Variants in DPP6 observed in about 807,000 individuals in gnomAD.
The protein encoded by DPP6 is dipeptidyl peptidase like 6, also known as A-type potassium channel modulatory protein DPP6.
A neutral mutation model predicts 122.6 loss-of-function variants in DPP6; 69 were observed. The ratio of observed to expected loss-of-function variants is 0.56; its 90% CI spans 0.46 to 0.69. DPP6 has a LOEUF of 0.69. Among genes scored for constraint, DPP6 ranks in the 30% least tolerant of loss-of-function variants. The pLI is 0.00. For missense variants in DPP6, 928 were observed against 1,116.9 expected (o/e 0.83, Z 2.41); for synonymous variants, 418 against 433.1 (o/e 0.97, Z 0.43).
At chr7:153,890,683 CTTTTTTTTTTTT>C (rs34345128) in intron 1 of DPP6, among the ~76,000 whole-genome samples, 3 of 81,992 alleles carry the variant, frequency 3.7e-5, no homozygotes, top group Non-Finnish European at 6.4e-5. Context: ...CAGTTTAGAA[CTTTTTTTTTTTT>C]TTTTTTTTTT....
intron 16 of DPP6, among the ~76,000 whole-genome samples, chr7:154,839,160 G>A (rs1801317605): frequency 1.3e-5 from 2 of 152,314 alleles, no homozygotes; most frequent in Non-Finnish European, 2.9e-5. Flanking sequence ...GGAGGGCATG[G>A]CACATTCTAA....
At chr7:154,248,666 G>A (rs192259729) in intron 1 of DPP6, among the ~76,000 whole-genome samples, 1 of 152,272 alleles carries the variant, frequency 6.6e-6, no homozygotes, top group Admixed American at 6.5e-5. Context: ...AGGAGTCTGA[G>A]AGCAATCTGG....
intron 1 of DPP6, among the ~76,000 whole-genome samples, chr7:154,228,175 TG>T (rs1306001014): frequency 3.3e-5 from 5 of 152,226 alleles, no homozygotes; most frequent in Non-Finnish European, 5.9e-5. Flanking sequence ...TACTTCAAAG[TG>T]AATCTGACAC....
At chr7:153,945,559 A>C (rs1801910949) in intron 1 of DPP6, among the ~76,000 whole-genome samples, 1 of 152,220 alleles carries the variant, frequency 6.6e-6, no homozygotes, top group Non-Finnish European at 1.5e-5. Context: ...ACCTCGTATA[A>C]GAATAAGAGG....
At chr7:154,880,324 G>C (rs979710213) in intron 20 of DPP6, among the ~76,000 whole-genome samples, 1 of 152,234 alleles carries the variant, frequency 6.6e-6, no homozygotes, top group Non-Finnish European at 1.5e-5. Context: ...TGCTGCCAAG[G>C]CTGGGCCGTA....
chr7:154,724,448 A>G (rs990108398), intron 7 of DPP6, among the ~76,000 whole-genome samples: 5 of 152,082 alleles, frequency 3.3e-5, no homozygotes, highest in Non-Finnish European at 7.4e-5. Flanking sequence ...CTCCATCTCC[A>G]TGGTTAGTGC....
intron 19 of DPP6, among the ~76,000 whole-genome samples, chr7:154,874,023 T>C (rs543363756): frequency 6.7e-6 from 1 of 149,694 alleles, no homozygotes; most frequent in Non-Finnish European, 1.5e-5. Flanking sequence ...TGCACACACA[T>C]ACGTGTGCAT....
At chr7:154,180,404 AAT>A (rs1184069625) in intron 1 of DPP6, among the ~76,000 whole-genome samples, 3 of 146,014 alleles carry the variant, frequency 2.1e-5, no homozygotes, top group South Asian at 4.2e-4. Context: ...TATATGTATA[AAT>A]ATATATATCT....
chr7:154,743,336 C>T (rs1487489133), intron 8 of DPP6, among the ~76,000 whole-genome samples: 4 of 152,092 alleles, frequency 2.6e-5, no homozygotes, highest in African/African-American at 9.7e-5. Context: ...TTCAGGCTGC[C>T]GGAGAGATTG....
chr7:154,355,212 A>G (rs1811177059), intron 1 of DPP6, among the ~76,000 whole-genome samples: 1 of 152,126 alleles, frequency 6.6e-6, no homozygotes, highest in African/African-American at 2.4e-5. Flanking sequence ...CTCATTTTGT[A>G]TTATGTTGTT....
At chr7:153,922,773 A>G (rs1033191329) in intron 1 of DPP6, among the ~76,000 whole-genome samples, 8 of 152,242 alleles carry the variant, frequency 5.3e-5, no homozygotes, top group African/African-American at 7.2e-5. Context: ...ACCTTGCATC[A>G]GGAGAGAAAG....
intron 1 of DPP6, among the ~76,000 whole-genome samples, chr7:154,177,167 G>T (rs1345990295): frequency 6.6e-6 from 1 of 152,158 alleles, no homozygotes; most frequent in Non-Finnish European, 1.5e-5. Flanking sequence ...GAGTAAAGTT[G>T]TCTTTGCATC....
chr7:154,795,383 A>G (rs1041706207), intron 11 of DPP6, among the ~76,000 whole-genome samples: 10 of 152,118 alleles, frequency 6.6e-5, no homozygotes, highest in African/African-American at 2.2e-4. Flanking sequence ...CTTTTCCTCT[A>G]TGCTTTAGCC....
chr7:154,671,422 T>G (rs1838545156), intron 7 of DPP6, among the ~76,000 whole-genome samples: 1 of 152,212 alleles, frequency 6.6e-6, no homozygotes, highest in East Asian at 1.9e-4. Context: ...ACCATCATAA[T>G]GTGACCACAT....
At chr7:153,832,977 T>C in the DPP6 span, among the ~76,000 whole-genome samples, 3 of 152,338 alleles carry the variant, frequency 2.0e-5, no homozygotes, top group African/African-American at 7.2e-5. Flanking sequence ...TAGAAGGATA[T>C]ACTTGCTTAT....
intron 1 of DPP6, among the ~76,000 whole-genome samples, chr7:154,138,371 G>A (rs1047494519): frequency 2.6e-5 from 4 of 152,340 alleles, no homozygotes; most frequent in East Asian, 3.9e-4. Flanking sequence ...TTTCTGGGAT[G>A]AAGACATTAT....
chr7:154,787,275 G>T (rs967372627), intron 10 of DPP6, among the ~76,000 whole-genome samples: 4 of 152,110 alleles, frequency 2.6e-5, no homozygotes, highest in African/African-American at 9.7e-5. Context: ...TATCCTTTGA[G>T]ATTTCTTTTC....
intron 3 of DPP6, among the ~76,000 whole-genome samples, chr7:154,488,114 C>T (rs1823952264): frequency 6.6e-6 from 1 of 150,474 alleles, no homozygotes; most frequent in African/African-American, 2.5e-5. Flanking sequence ...GAAGAGGCCT[C>T]TGGGAACTGA....
At chr7:154,441,344 G>A (rs373704669) in intron 1 of DPP6, among the ~76,000 whole-genome samples, 1 of 152,050 alleles carries the variant, frequency 6.6e-6, no homozygotes, top group African/African-American at 2.4e-5. Context: ...ACATTACTTG[G>A]TGGTGATAGC....
Sources: allele counts gnomAD v4.1 joint callset (sites outside exome capture counted in the v4.1 genomes callset), GRCh38; gene constraint gnomAD v4.1.1; transcripts MANE v1.5; gene names NCBI Gene and HGNC (gene_info 2026-07-23, HGNC 2026-07-21).